The following COL28A1 variants were observed in gnomAD, a reference collection of about 807,000 sequenced individuals.
The protein encoded by COL28A1 is collagen alpha-1(XXVIII) chain.
In COL28A1, 161 loss-of-function variants were observed where a neutral mutation model predicts 150.2. The ratio of observed to expected loss-of-function variants is 1.07; its 90% confidence interval spans 0.94 to 1.22. COL28A1 has a LOEUF of 1.22. COL28A1 is among the 50% of genes most tolerant of loss of function. The pLI is 0.00. For synonymous variants in COL28A1, 552 were observed against 469.7 expected, an observed-to-expected ratio of 1.18 and a Z score of -2.26; for missense variants, 1,617 against 1,388.3, an observed-to-expected ratio of 1.16 and a Z score of -2.62.
At chr7:7,363,796 TTTA>T (rs1305461654) in intron 33 of COL28A1, among the ~76,000 whole-genome samples, 4 of 152,042 alleles carry the variant, frequency 2.6e-5, no homozygotes, top group South Asian at 2.1e-4. Flanking sequence ...CTCTATAACA[TTTA>T]TTATTATTAT....
chr7:7,389,123 A>G (rs1330977251), intron 27 of COL28A1, among the ~76,000 whole-genome samples: 2 of 151,736 alleles, frequency 1.3e-5, no homozygotes, highest in Non-Finnish European at 2.9e-5. Flanking sequence ...GTTTTTTTTT[A>G]AGGTTTTAGG....
At chr7:7,422,546 T>A (rs969638088) in intron 25 of COL28A1, among the ~76,000 whole-genome samples, 84 of 152,054 alleles carry the variant, frequency 5.5e-4, no homozygotes, top group African/African-American at 2.0e-3. Context: ...GGAGAATCAC[T>A]TGAACCCGGG....
intron 13 of COL28A1, among the ~76,000 whole-genome samples, chr7:7,481,216 A>G (rs1022612726): frequency 1.3e-5 from 2 of 152,314 alleles, no homozygotes; most frequent in South Asian, 4.1e-4. Flanking sequence ...GGAGGTGAAA[A>G]TATTGGATCT....
At chr7:7,353,066 A>C (rs182029149), downstream of COL28A1, among the ~76,000 whole-genome samples, 60 of 152,306 alleles carry the variant, frequency 3.9e-4, no homozygotes, top group African/African-American at 1.3e-3. Flanking sequence ...CCCCATGGAA[A>C]AGTAAAAGGC....
chr7:7,460,596 A>G (rs956377635), intron 15 of COL28A1, among the ~76,000 whole-genome samples: 2 of 151,890 alleles, frequency 1.3e-5, no homozygotes, highest in African/African-American at 4.8e-5. Context: ...GTTAGCCAGG[A>G]TGGTCTCGAT....
chr7:7,405,265 G>A (rs1783431542), intron 27 of COL28A1, among the ~76,000 whole-genome samples: 1 of 152,298 alleles, frequency 6.6e-6, no homozygotes, highest in Admixed American at 6.5e-5. Context: ...GGCAAAGAGT[G>A]TGTGTACACC....
intron 33 of COL28A1, among the ~76,000 whole-genome samples, chr7:7,366,472 T>A (rs73038797): frequency 0.037 from 5,648 of 152,272 alleles, 134 homozygotes; most frequent in Non-Finnish European, 0.046. Context: ...TATTTTTGTT[T>A]TTTTCCTCTT....
chr7:7,499,978 C>G (rs1002331495), intron 11 of COL28A1, among the ~76,000 whole-genome samples: 4 of 152,140 alleles, frequency 2.6e-5, no homozygotes, highest in African/African-American at 9.7e-5. Flanking sequence ...AATTAAACCC[C>G]AAGTCTTCAT....
rs767729166 is a variant in COL28A1 at position 7,443,586 on chromosome 7, T to C, written c.1649A>G (p.Lys550Arg). The change falls in exon 20 of 35, where the codon AAG becomes AGG. Residue 550 changes from lysine to arginine, a missense_variant and splice_region_variant. Transcript: ENST00000399429. ...GPPGKGQPGP[K>R]GDEGKKGSKG... ...CCACCAACACTGTCATTTCCATACC[T>C]TGGGGCCAGGCTGTCCTTTTCCAGG... The C allele has an allele frequency of 1.3e-5, 21 of 1,613,958 alleles. 1 individual carries two copies. In the South Asian group the frequency reaches 2.0e-4, roughly 15 times the overall value.
intron 3 of COL28A1, among the ~76,000 whole-genome samples, chr7:7,529,029 C>T (rs531741427): frequency 1.3e-5 from 2 of 152,070 alleles, no homozygotes; most frequent in Non-Finnish European, 2.9e-5. Context: ...GGGCCCGGCG[C>T]GATGGCTCAC....
At chr7:7,375,722 T>C (rs1469385348) in intron 30 of COL28A1, among the ~76,000 whole-genome samples, 1 of 152,182 alleles carries the variant, frequency 6.6e-6, no homozygotes, top group African/African-American at 2.4e-5. Flanking sequence ...GGAATTCAAA[T>C]TGCAACTGCA....
chr7:7,464,308 C>CTATACCCT (rs1485319523), intron 15 of COL28A1, among the ~76,000 whole-genome samples: 2 of 152,108 alleles, frequency 1.3e-5, no homozygotes, highest in African/African-American at 4.8e-5. Flanking sequence ...CTGGAACAAA[C>CTATACCCT]GGACTTAACA....
chr7:7,346,333 C>T, the COL28A1 span, among the ~76,000 whole-genome samples: 5 of 151,816 alleles, frequency 3.3e-5, no homozygotes, highest in South Asian at 2.1e-4. Context: ...TCCTGCATAT[C>T]GCTAGGAATA....
chr7:7,499,553 T>A (rs1780407456), intron 11 of COL28A1, among the ~76,000 whole-genome samples: 1 of 152,232 alleles, frequency 6.6e-6, no homozygotes, highest in Admixed American at 6.5e-5. Flanking sequence ...CTTGATTTAC[T>A]TCACTTCAAG....
Position 7,373,620 on chromosome 7 carries a change from A to G in COL28A1, c.2360-74T>C, listed in dbSNP as rs1445644415. ...AGATTGTTGAGGGGAGGGGAGAAAA[A>G]GTCAATGATGAACCTGAGACCTAAA... is the stretch of plus-strand genomic sequence containing the variant. On this transcript the variant is annotated intron_variant, in intron 31 of 34. Transcript: ENST00000399429. This position sits in a 1 kb window ranked among gnomAD's most constrained non-coding sequence, Gnocchi z 4.1. The G allele has an allele frequency of 8.1e-7, 1 of 1,227,402 alleles. No individual in the cohort carries two copies. The highest frequency in any genetic ancestry group is 1.2e-6 in the Non-Finnish European group (1 of 866,318). 76.0% of individuals were successfully genotyped at this position (1,227,402 alleles called of 1,614,324 possible).
intron 13 of COL28A1, among the ~76,000 whole-genome samples, chr7:7,482,405 G>GGCATGGTGGCGGGCACCTGTAA (rs1779380633): frequency 6.6e-6 from 1 of 151,878 alleles, no homozygotes; most frequent in African/African-American, 2.4e-5. Flanking sequence ...GGAGCCTACA[G>GGCATGGTGGCGGGCACCTGTAA]TCCCAACTAC....
At chr7:7,471,029 T>G (rs1292712738) in intron 15 of COL28A1, among the ~76,000 whole-genome samples, 3 of 138,218 alleles carry the variant, frequency 2.2e-5, no homozygotes, top group Admixed American at 7.4e-5. Flanking sequence ...AGTTAGTGGG[T>G]GCAGCGCACC....
intron 27 of COL28A1, among the ~76,000 whole-genome samples, chr7:7,417,466 T>C (rs1054400018): frequency 3.3e-5 from 4 of 121,654 alleles, no homozygotes; most frequent in Admixed American, 1.9e-4. Context: ...TGGGCTACCA[T>C]GGAGGATACA....
In COL28A1 at chr7:7,474,645, T is replaced by G; in HGVS notation, c.1258A>C (p.Thr420Pro). ...PKGEKGSEGP[T>P]GPQGLQGLSI... ...AGGCCTTGTAATCCCTGTGGGCCAGTTGGTCCTTCAGAACCTTTTTCACCC... is the reference window on the plus strand; with the variant it reads ...AGGCCTTGTAATCCCTGTGGGCCAGGTGGTCCTTCAGAACCTTTTTCACCC... Residue 420 changes from threonine (T) to proline (P), a missense_variant, in exon 15 of 35, where the codon ACT (threonine) becomes CCT (proline). Coordinates refer to ENST00000399429, the MANE Select transcript of COL28A1 (RefSeq NM_001037763.3). 1 of 1,435,290 alleles carries G rather than the reference T, an allele frequency of 7.0e-7. No individual in the cohort carries two copies. The highest frequency in any genetic ancestry group is 1.1e-5 in the South Asian group (1 of 87,486). The allele number at this position is 1,435,290 out of a possible 1,614,324, so 88.9% of individuals were successfully genotyped here. A position where few individuals can be genotyped will look rare whatever the true frequency, so the allele number is the denominator to read the frequency against.
Sources: gnomAD v4.1 joint callset for allele counts (sites outside exome capture counted in the v4.1 genomes callset) on GRCh38, gnomAD v4.1.1 for gene constraint, Gnocchi (gnomAD v3.1) non-coding constraint, MANE v1.5 for transcripts, NCBI Gene and HGNC (gene_info 2026-07-23, HGNC 2026-07-21) for gene names.